The following SORCS1 variants were observed in gnomAD, a reference collection of about 807,000 sequenced individuals.
SORCS1 encodes VPS10 domain-containing receptor SorCS1.
A neutral mutation model predicts 146.1 loss-of-function variants in SORCS1; 60 were observed. The ratio of observed to expected loss-of-function variants is 0.41; its 90% confidence interval spans 0.33 to 0.51. The LOEUF is 0.51. Ranked by LOEUF, SORCS1 falls within the 20% of genes least tolerant of loss-of-function variation. The pLI, the probability that SORCS1 is intolerant of heterozygous loss-of-function variation, is 0.21. For synonymous variants in SORCS1, 637 were observed against 584.0 expected, an observed-to-expected ratio of 1.09 and a Z score of -1.31; for missense variants, 1,352 against 1,487.6, an observed-to-expected ratio of 0.91 and a Z score of 1.50.
At chr10:106,907,984 C>T (rs1415904981) in intron 2 of SORCS1, among the ~76,000 whole-genome samples, 1 of 152,032 alleles carries the variant, frequency 6.6e-6, no homozygotes, top group Non-Finnish European at 1.5e-5. Flanking sequence ...AGCCACAGAC[C>T]ATTATCCTTT....
At chr10:106,871,612 G>T (rs866274258) in intron 2 of SORCS1, among the ~76,000 whole-genome samples, 5 of 152,184 alleles carry the variant, frequency 3.3e-5, no homozygotes, top group African/African-American at 1.2e-4. Flanking sequence ...AGAGATGGAG[G>T]CTATCATTCT....
intron 2 of SORCS1, among the ~76,000 whole-genome samples, chr10:106,890,816 T>A (rs1043562609): frequency 1.2e-4 from 17 of 144,866 alleles, no homozygotes; most frequent in African/African-American, 4.6e-4. Context: ...ACATACATTT[T>A]TTTTTTTTTA....
chr10:106,614,307 T>C (rs1192235302), intron 21 of SORCS1, among the ~76,000 whole-genome samples: 2 of 152,240 alleles, frequency 1.3e-5, no homozygotes, highest in Non-Finnish European at 2.9e-5. Flanking sequence ...CCAAGCGACA[T>C]TGGGGATGCC....
At chr10:107,068,012 C>T (rs1327773267) in intron 1 of SORCS1, among the ~76,000 whole-genome samples, 1 of 152,140 alleles carries the variant, frequency 6.6e-6, no homozygotes, top group Non-Finnish European at 1.5e-5. Context: ...CCATGGCAAG[C>T]TTGGTACAGA....
At chr10:107,071,060 A>T (rs1194468195) in intron 1 of SORCS1, among the ~76,000 whole-genome samples, 2 of 152,184 alleles carry the variant, frequency 1.3e-5, no homozygotes, top group Non-Finnish European at 2.9e-5. Context: ...GGCTATATCC[A>T]GTCTAAGGCT....
At chr10:106,747,503 T>A (rs916357220) in intron 5 of SORCS1, among the ~76,000 whole-genome samples, 1 of 152,210 alleles carries the variant, frequency 6.6e-6, no homozygotes, top group Admixed American at 6.5e-5. Context: ...GATTCACTAG[T>A]CTTACAGTTG....
intron 6 of SORCS1, among the ~76,000 whole-genome samples, chr10:106,709,793 C>T (rs1396964645): frequency 3.3e-5 from 5 of 152,046 alleles, no homozygotes; most frequent in African/African-American, 7.2e-5. Context: ...TTGTTAAATA[C>T]GTTATTGTCA....
intron 19 of SORCS1, among the ~76,000 whole-genome samples, chr10:106,626,854 C>A (rs1196783556): frequency 6.6e-6 from 1 of 152,138 alleles, no homozygotes; most frequent in Non-Finnish European, 1.5e-5. Flanking sequence ...TACCAAAAAG[C>A]CAGGCTTAGA....
chr10:106,898,915 G>A (rs937407076), intron 2 of SORCS1, among the ~76,000 whole-genome samples: 2 of 152,076 alleles, frequency 1.3e-5, no homozygotes, highest in African/African-American at 4.8e-5. Context: ...TCACTGCCTG[G>A]TCTTGACTTC....
At chr10:106,691,349 C>A (rs967881924) in intron 9 of SORCS1, among the ~76,000 whole-genome samples, 1 of 152,140 alleles carries the variant, frequency 6.6e-6, no homozygotes, top group Non-Finnish European at 1.5e-5. Context: ...GCCTTTAATG[C>A]CCTTCTGAAT....
intron 20 of SORCS1, among the ~76,000 whole-genome samples, chr10:106,619,153 AAAC>A (rs1489622099): frequency 3.9e-5 from 6 of 152,218 alleles, no homozygotes; most frequent in Non-Finnish European, 5.9e-5. Flanking sequence ...AAAAAATAAA[AAAC>A]AATAGGGGGT....
At chr10:106,654,800 C>T (rs976292222) in intron 17 of SORCS1, among the ~76,000 whole-genome samples, 3 of 152,142 alleles carry the variant, frequency 2.0e-5, no homozygotes, top group Non-Finnish European at 4.4e-5. Flanking sequence ...AAGATAACTG[C>T]CCATGCTGGT....
At chr10:106,656,015 C>T (rs907440291) in intron 17 of SORCS1, among the ~76,000 whole-genome samples, 4 of 152,108 alleles carry the variant, frequency 2.6e-5, no homozygotes, top group African/African-American at 7.2e-5. Flanking sequence ...TTCAATCTGC[C>T]AAGAAGAAAA....
At chr10:106,590,791 G>T (rs1440182910) in intron 24 of SORCS1, among the ~76,000 whole-genome samples, 1 of 152,046 alleles carries the variant, frequency 6.6e-6, no homozygotes, top group Non-Finnish European at 1.5e-5. Flanking sequence ...AGTAGCTGGG[G>T]CTACAGGTGC....
chr10:106,727,716 G>A (rs149978348), intron 6 of SORCS1, among the ~76,000 whole-genome samples: 2 of 152,174 alleles, frequency 1.3e-5, no homozygotes, highest in South Asian at 2.1e-4. Context: ...GAGAGTTTAC[G>A]AGAGGCTTTT....
At chr10:106,872,712 TC>T (rs2137593690) in intron 2 of SORCS1, among the ~76,000 whole-genome samples, 1 of 152,322 alleles carries the variant, frequency 6.6e-6, no homozygotes, top group South Asian at 2.1e-4. Flanking sequence ...ATAATTTGCT[TC>T]CAGGGAACAC....
Position 107,093,522 on chromosome 10 carries a change from A to C in SORCS1, c.558+70447T>G, listed in dbSNP as rs143555155. Among the ~76,000 whole-genome samples the C allele has an allele frequency of 5.0e-3, 756 of 152,006 alleles. 6 individuals are homozygous for C. Among genetic ancestry groups the C allele is most frequent in the African/African-American group, 0.017 (710 of 41,452 alleles). On this transcript the variant is annotated intron_variant, in intron 1 of 25. Coordinates refer to ENST00000263054, the MANE Select transcript of SORCS1 (RefSeq NM_052918.5). Reference sequence around the variant, plus strand: ...ACCCTGTCTCTACTAAAAATACAAAAATTAGTTGGGTATGGTGGTGTGTGC... The same window carrying C: ...ACCCTGTCTCTACTAAAAATACAAACATTAGTTGGGTATGGTGGTGTGTGC...
chr10:106,689,875 T>C (rs1409148945), intron 9 of SORCS1, among the ~76,000 whole-genome samples: 9 of 152,238 alleles, frequency 5.9e-5, no homozygotes, highest in Non-Finnish European at 1.2e-4. Context: ...CTCATTAGTG[T>C]GTACCTGCTG....
chr10:106,775,867 T>C (rs547978397), intron 4 of SORCS1, among the ~76,000 whole-genome samples: 20 of 152,364 alleles, frequency 1.3e-4, no homozygotes, highest in African/African-American at 4.8e-4. Flanking sequence ...GCAGGGACCA[T>C]ATGTATGTTA....
Sources: gnomAD v4.1 joint callset for allele counts (sites outside exome capture counted in the v4.1 genomes callset) on GRCh38, gnomAD v4.1.1 for gene constraint, MANE v1.5 for transcripts, NCBI Gene and HGNC (gene_info 2026-07-23, HGNC 2026-07-21) for gene names.